Variants in RANBP3 observed in about 807,000 individuals in gnomAD.
The protein encoded by RANBP3 is ran-binding protein 3.
In RANBP3, 14 loss-of-function variants were observed where a neutral mutation model predicts 77.3. The ratio of observed to expected loss-of-function variants is 0.18; its 90% CI spans 0.12 to 0.28. The LOEUF is 0.28. Ranked by LOEUF, RANBP3 falls within the 10% of genes least tolerant of loss-of-function variation. RANBP3 has a pLI of 1.00. For missense variants in RANBP3, 586 were observed against 752.3 expected (o/e 0.78, Z 2.59); for synonymous variants, 315 against 312.4 (o/e 1.01, Z -0.09).
chr19:5,924,649 T>C lies in RANBP3; in HGVS notation c.996+178A>G, dbSNP rs567348953. Among the ~76,000 whole-genome samples, 5 of 152,366 alleles carry C rather than the reference T, an allele frequency of 3.3e-5. No homozygotes were observed. Among genetic ancestry groups the C allele is most frequent in the Non-Finnish European group, 7.3e-5 (5 of 68,032 alleles). ...CGAATGCCAGTTCGTAGGCAGCCAG[T>C]GGCCCTGGCCAGTTTTCAGGCTGAG... On this transcript the variant is annotated intron_variant, in intron 11 of 16. Transcript: ENST00000340578. The surrounding 1 kb of genome is among the most constrained non-coding windows in gnomAD (Gnocchi z 4.7).
Position 5,923,263 on chromosome 19 carries a change from T to C in RANBP3, c.1140A>G (p.Thr380=), listed in dbSNP as rs2057851155. 3.1e-6 allele frequency: 5 copies of C among 1,613,008 alleles called. No individual in the cohort carries two copies. The South Asian group carries it at 4.4e-5, about 14-fold the overall frequency. The change falls in exon 13 of 17, where the codon ACA becomes ACG. Residue 380 remains threonine (T), a synonymous_variant. Transcript: ENST00000340578. The part of the protein sequence containing the change: ...AESAAAYTKA[T]ARKCLLEKVE... ...CTTTTTCCAACAAACACTTCCGCGCTGTTGCCTTGGTGTAGGCGGCTGCCG... is the reference window on the plus strand; with the variant it reads ...CTTTTTCCAACAAACACTTCCGCGCCGTTGCCTTGGTGTAGGCGGCTGCCG...
At chr19:5,923,053 G>C in intron 13 of RANBP3, 141 bp downstream of exon 13, 1 of 661,410 alleles carries the variant, frequency 1.5e-6, no homozygotes, top group South Asian at 1.9e-5. Context: ...CACCAACAAA[G>C]TCCCAGAGCG....
Position 5,917,934 on chromosome 19 carries a change from C to T in RANBP3, c.1520G>A (p.Arg507His), listed in dbSNP as rs1298009372. The change falls in exon 16 of 17, where the codon CGC (arginine) becomes CAC (histidine). Residue 507 changes from arginine (R) to histidine (H), a missense_variant. Arg to His is a conservative substitution (Grantham distance 29). This residue lies in a region of RANBP3 where 128 missense variants were observed against 157.0 expected (regional missense o/e 0.82). Transcript: ENST00000340578. ...TGQLYAALHH[R>H]ILALRSRVEQ... is the part of the protein sequence containing the mutation. ...CACGCGGCTGCGCAGGGCCAGGATG[C>T]GGTGGTGCAGGGCTGCATACAACTG... 1.9e-6 allele frequency: 3 copies of T among 1,611,826 alleles called. No homozygotes were observed. The highest frequency in any genetic ancestry group is 8.5e-7 in the Non-Finnish European group (1 of 1,179,234).
rs1408086090 is a variant in RANBP3 at position 5,921,434 on chromosome 19, C to A, written c.1210-113G>T. ...GACTGCCAGGGCCAGCCAACGACGG[C>A]CTGGGGGCCACCTTGGTCAGTTTTT... On this transcript the variant is annotated intron_variant, in intron 13 of 16. Transcript: ENST00000340578. The surrounding 1 kb of genome is among the most constrained non-coding windows in gnomAD (Gnocchi z 5.3). The A allele has an allele frequency of 7.1e-6, 10 of 1,414,218 alleles. No individual in the cohort carries two copies. The Admixed American group carries it at 1.0e-4, about 14-fold the overall frequency. The allele number at this position is 1,414,218 out of a possible 1,614,324, so 87.6% of individuals were successfully genotyped here. A position where few individuals can be genotyped will look rare whatever the true frequency, so the allele number is the denominator to read the frequency against.
At chr19:5,949,966 G>C (rs2058254578) in intron 3 of RANBP3, among the ~76,000 whole-genome samples, 1 of 152,164 alleles carries the variant, frequency 6.6e-6, no homozygotes, top group South Asian at 2.1e-4. Context: ...TCCTATGTGG[G>C]CTGCATTTTT....
At position 5,959,724 on chromosome 19, in the gene RANBP3, G is replaced by A. The variant is rs1049860100; in HGVS notation, c.23-1751C>T. Among the ~76,000 whole-genome samples the A allele has an allele frequency of 2.6e-5, 4 of 152,100 alleles. No homozygotes were observed. The highest frequency in any genetic ancestry group is 4.8e-5 in the African/African-American group (2 of 41,400). On this transcript the variant is annotated intron_variant, in intron 1 of 16. Transcript: ENST00000340578. The surrounding 1 kb of genome is among the most constrained non-coding windows in gnomAD (Gnocchi z 5.1). ...GGGGACTCTGGGACAGAGCAGCAGC[G>A]TATCCACACCATGTGTGCCACCAGG...
chr19:5,935,921 T>C, intron 5 of RANBP3: 1 of 415,420 alleles, frequency 2.4e-6, no homozygotes, highest in South Asian at 1.7e-5. Context: ...TGTGGGCCTG[T>C]AGAGGATGCT....
At chr19:5,965,110 C>G (rs2058451175) in intron 1 of RANBP3, among the ~76,000 whole-genome samples, 1 of 151,688 alleles carries the variant, frequency 6.6e-6, no homozygotes, top group African/African-American at 2.4e-5. Context: ...GTTCTCCTTG[C>G]AGGGGGCAGT....
intron 7 of RANBP3, 52 bp downstream of exon 7, chr19:5,932,400 G>A: frequency 6.7e-7 from 1 of 1,500,578 alleles, no homozygotes; most frequent in East Asian, 2.3e-5. Flanking sequence ...GCGACTTCGG[G>A]AACGCTCTAC....
chr19:5,930,982 C>T (rs1347610672), intron 8 of RANBP3, among the ~76,000 whole-genome samples: 1 of 152,202 alleles, frequency 6.6e-6, no homozygotes, highest in Non-Finnish European at 1.5e-5. Flanking sequence ...AGACATTCCT[C>T]ATGTTAAACA....
At chr19:5,965,142 G>C (rs954328023) in intron 1 of RANBP3, among the ~76,000 whole-genome samples, 3 of 151,984 alleles carry the variant, frequency 2.0e-5, no homozygotes, top group Non-Finnish European at 4.4e-5. Flanking sequence ...GAGGTGGGGG[G>C]CTTGAGGAGG....
At chr19:5,942,700 C>CAAAAAAA (rs11298054) in intron 3 of RANBP3, among the ~76,000 whole-genome samples, 1 of 90,850 alleles carries the variant, frequency 1.1e-5, no homozygotes. Context: ...GACTCTGTCT[C>CAAAAAAA]AAAAAAAAAA....
chr19:5,977,909 A>T (rs1347260331), intron 1 of RANBP3, 152 bp downstream of exon 1: 7 of 981,760 alleles, frequency 7.1e-6, no homozygotes, highest in Non-Finnish European at 1.0e-5. Flanking sequence ...AGGGGACGCA[A>T]TAGGGGGCGG....
rs546270872 is a variant in RANBP3 at position 5,924,678 on chromosome 19, G to C, written c.996+149C>G. 110 of 829,402 alleles carry C rather than the reference G, an allele frequency of 1.3e-4. No homozygotes were observed. In the East Asian group the frequency reaches 2.4e-3, roughly 18 times the overall value. 51.4% of individuals were successfully genotyped at this position (829,402 alleles called of 1,614,324 possible). On this transcript the variant is annotated intron_variant, in intron 11 of 16. Transcript: ENST00000340578. This position sits in a 1 kb window ranked among gnomAD's most constrained non-coding sequence, Gnocchi z 4.7. ...CCTGGCCAGTTTTCAGGCTGAGTCT[G>C]AGCAGGGTCTTCCCTCTCTCACTTG...
chr19:5,925,446 G>A (rs1376943839), intron 10 of RANBP3, 188 bp downstream of exon 10: 3 of 610,286 alleles, frequency 4.9e-6, no homozygotes, highest in Non-Finnish European at 8.8e-6. Flanking sequence ...GTGAATCCCA[G>A]GACAAGGCCC....
At chr19:5,975,702 C>A (rs768714626) in intron 1 of RANBP3, among the ~76,000 whole-genome samples, 7 of 146,208 alleles carry the variant, frequency 4.8e-5, no homozygotes, top group Non-Finnish European at 7.5e-5. Context: ...GCAGGGTGAA[C>A]GGAATAGAGA....
intron 1 of RANBP3, among the ~76,000 whole-genome samples, chr19:5,974,817 C>T (rs764240368): frequency 1.3e-5 from 2 of 152,114 alleles, no homozygotes; most frequent in South Asian, 2.1e-4. Flanking sequence ...ATCTGCAGGG[C>T]GTGGCGACTG....
At chr19:5,943,587 C>T (rs2058166618) in intron 3 of RANBP3, among the ~76,000 whole-genome samples, 1 of 152,202 alleles carries the variant, frequency 6.6e-6, no homozygotes, top group African/African-American at 2.4e-5. Flanking sequence ...ATAGCTCGTT[C>T]ACGACGGTCA....
At chr19:5,960,262 C>A (rs1439903953) in intron 1 of RANBP3, among the ~76,000 whole-genome samples, 1 of 152,206 alleles carries the variant, frequency 6.6e-6, no homozygotes, top group African/African-American at 2.4e-5. Flanking sequence ...TTTGCTTAAG[C>A]CAGTTTGAGC....
Sources: gnomAD v4.1 joint callset for allele counts (sites outside exome capture counted in the v4.1 genomes callset) on GRCh38, gnomAD v4.1.1 for gene constraint, gnomAD v4.1.1 regional missense constraint, Gnocchi (gnomAD v3.1) non-coding constraint, MANE v1.5 for transcripts, NCBI Gene and HGNC (gene_info 2026-07-23, HGNC 2026-07-21) for gene names.